Variants in ADGRB3 observed in about 807,000 individuals in gnomAD.
ADGRB3 encodes the protein adhesion G protein-coupled receptor B3.
In ADGRB3, 37 loss-of-function variants were observed where a neutral mutation model predicts 193.4. The ratio of observed to expected loss-of-function variants is 0.19; its 90% CI spans 0.15 to 0.25. The LOEUF (loss-of-function observed/expected upper bound fraction) is 0.25. Among genes scored for constraint, ADGRB3 ranks in the 10% least tolerant of loss-of-function variants. The pLI, the probability that ADGRB3 is intolerant of heterozygous loss-of-function variation, is 1.00. For synonymous variants in ADGRB3, 690 were observed against 644.2 expected, an observed-to-expected ratio of 1.07 and a Z score of -1.08; for missense variants, 1,637 against 1,852.9, an observed-to-expected ratio of 0.88 and a Z score of 2.14.
intron 3 of ADGRB3, among the ~76,000 whole-genome samples, chr6:68,905,716 G>A (rs1582302831): frequency 6.6e-6 from 1 of 152,094 alleles, no homozygotes; most frequent in African/African-American, 2.4e-5. Flanking sequence ...ACAGCAGTTC[G>A]TTGATTGTCT....
intron 12 of ADGRB3, among the ~76,000 whole-genome samples, chr6:69,015,844 TA>T (rs545689462): frequency 2.9e-3 from 429 of 146,294 alleles, no homozygotes; most frequent in Admixed American, 6.4e-3. Context: ...CTACTAAAGT[TA>T]AAAAAAAAAA....
intron 3 of ADGRB3, among the ~76,000 whole-genome samples, chr6:68,899,626 AT>A (rs1251445340): frequency 2.0e-5 from 3 of 151,974 alleles, no homozygotes; most frequent in Admixed American, 6.6e-5. Context: ...TGAACTCATC[AT>A]TTTTTATGGC....
chr6:69,138,111 A>C (rs1774208680), intron 17 of ADGRB3, among the ~76,000 whole-genome samples: 1 of 152,174 alleles, frequency 6.6e-6, no homozygotes, highest in South Asian at 2.1e-4. Context: ...TGTTGTTAAA[A>C]CTGTATCACA....
chr6:68,636,161 C>A (rs535233570), intron 1 of ADGRB3, among the ~76,000 whole-genome samples, 161 bp downstream of exon 1: 3 of 152,132 alleles, frequency 2.0e-5, no homozygotes, highest in African/African-American at 7.2e-5. Flanking sequence ...ACTTAAACGC[C>A]GCAGTTGAAA....
intron 21 of ADGRB3, 99 bp downstream of exon 21, chr6:69,325,121 C>T: frequency 7.2e-7 from 1 of 1,383,368 alleles, no homozygotes; most frequent in Non-Finnish European, 9.8e-7. Context: ...TACTTTGTGT[C>T]TAATTTAATC....
At chr6:69,067,124 T>C (rs1265564593) in intron 16 of ADGRB3, among the ~76,000 whole-genome samples, 1 of 152,062 alleles carries the variant, frequency 6.6e-6, no homozygotes, top group African/African-American at 2.4e-5. Context: ...AAAGATAGAG[T>C]GGACCATACC....
intron 3 of ADGRB3, among the ~76,000 whole-genome samples, chr6:68,914,664 T>A (rs541938900): frequency 3.5e-4 from 54 of 152,234 alleles, no homozygotes; most frequent in African/African-American, 1.2e-3. Flanking sequence ...GCTAACATCA[T>A]AATGACAGGA....
rs182898936 is a variant in ADGRB3 at position 69,152,893 on chromosome 6, C to T, written c.2480+76855C>T. Reference sequence around the variant, plus strand: ...AAATTGTAAAAGAGGTTACTTATATCGCTATGACTAAATTGAGGATCCTGG... The same window carrying T: ...AAATTGTAAAAGAGGTTACTTATATTGCTATGACTAAATTGAGGATCCTGG... On this transcript the variant is annotated intron_variant, in intron 17 of 31. Coordinates refer to ENST00000370598, the MANE Select transcript of ADGRB3 (RefSeq NM_001704.3). Among the ~76,000 whole-genome samples, 332 of 152,130 alleles carry T rather than the reference C, an allele frequency of 2.2e-3. 4 individuals are homozygous for T. The highest frequency in any genetic ancestry group is 7.8e-3 in the African/African-American group (324 of 41,506).
rs571392304 is a variant in ADGRB3, at chr6:68,792,502, C to T, written c.758-138057C>T. ...CTTGGTTTTCCTTCTCTTACAAGTGCTTGTGGCCCTATGACTCTGCAGGCT... is the reference window on the plus strand; with the variant it reads ...CTTGGTTTTCCTTCTCTTACAAGTGTTTGTGGCCCTATGACTCTGCAGGCT... On this transcript the variant is annotated intron_variant, in intron 3 of 31. Coordinates refer to ENST00000370598, the MANE Select transcript of ADGRB3 (RefSeq NM_001704.3). 3.3e-5 allele frequency among the ~76,000 whole-genome samples: 5 copies of T among 152,258 alleles called. No homozygotes were observed. The East Asian group carries it at 9.6e-4, about 29-fold the overall frequency.
At chr6:68,654,510 C>T (rs146420665) in intron 3 of ADGRB3, among the ~76,000 whole-genome samples, 1,544 of 151,140 alleles carry the variant, frequency 0.01, 23 homozygotes, top group African/African-American at 0.034. Flanking sequence ...TTTTTTTCTT[C>T]TTATGTATTG....
At chr6:68,711,205 C>T (rs1196940896) in intron 3 of ADGRB3, among the ~76,000 whole-genome samples, 1 of 152,068 alleles carries the variant, frequency 6.6e-6, no homozygotes, top group Non-Finnish European at 1.5e-5. Flanking sequence ...TTTCTTTTCT[C>T]CTACCAAGAG....
intron 3 of ADGRB3, among the ~76,000 whole-genome samples, chr6:68,715,925 A>T (rs1213072042): frequency 6.6e-6 from 1 of 151,736 alleles, no homozygotes; most frequent in Non-Finnish European, 1.5e-5. Flanking sequence ...GAGTAGGTGT[A>T]TTGGGGTGTA....
chr6:68,768,565 C>T (rs781421347), intron 3 of ADGRB3, among the ~76,000 whole-genome samples: 17 of 151,910 alleles, frequency 1.1e-4, no homozygotes, highest in Admixed American at 2.6e-4. Context: ...GATGTAAATG[C>T]AAGACCTAAA....
chr6:69,297,374 C>G (rs372959234), intron 20 of ADGRB3, among the ~76,000 whole-genome samples: 2 of 124,978 alleles, frequency 1.6e-5, no homozygotes, highest in Non-Finnish European at 3.6e-5. Context: ...CTCTTTCTCT[C>G]TCTCTCTCTC....
chr6:68,817,924 T>C (rs1767668056), intron 3 of ADGRB3, among the ~76,000 whole-genome samples: 1 of 152,120 alleles, frequency 6.6e-6, no homozygotes. Context: ...ACATATTTAG[T>C]GTTGTGATTT....
At chr6:68,873,097 A>G (rs976287099) in intron 3 of ADGRB3, among the ~76,000 whole-genome samples, 1 of 152,174 alleles carries the variant, frequency 6.6e-6, no homozygotes, top group South Asian at 2.1e-4. Flanking sequence ...CAATTGGAAC[A>G]TGTGATGGTT....
intron 28 of ADGRB3, 139 bp downstream of exon 28, chr6:69,355,999 A>C (rs1561997451): frequency 3.2e-6 from 2 of 633,384 alleles, no homozygotes; most frequent in Non-Finnish European, 5.1e-6. Context: ...GCAGCCCCCA[A>C]ATGCCAAAGG....
chr6:68,719,857 A>G (rs977222659), intron 3 of ADGRB3, among the ~76,000 whole-genome samples: 3 of 151,760 alleles, frequency 2.0e-5, no homozygotes, highest in African/African-American at 7.2e-5. Flanking sequence ...TAGAAATTCT[A>G]TGTGTGAGTA....
chr6:68,849,360 AT>A (rs1768351803), intron 3 of ADGRB3, among the ~76,000 whole-genome samples: 1 of 151,924 alleles, frequency 6.6e-6, no homozygotes, highest in African/African-American at 2.4e-5. Context: ...CAAAAAAAAA[AT>A]CACTGAAAAT....
Sources: allele counts gnomAD v4.1 joint callset (sites outside exome capture counted in the v4.1 genomes callset), GRCh38; gene constraint gnomAD v4.1.1; transcripts MANE v1.5; gene names NCBI Gene and HGNC (gene_info 2026-07-23, HGNC 2026-07-21).